Variants in USP25 observed in about 807,000 individuals in gnomAD.
USP25 encodes the protein ubiquitin carboxyl-terminal hydrolase 25.
Under a neutral mutation model 158.5 loss-of-function variants are expected in USP25, and 85 were observed. The ratio of observed to expected loss-of-function variants is 0.54; its 90% CI spans 0.45 to 0.64. The LOEUF (loss-of-function observed/expected upper bound fraction) is 0.64, where lower values mean the gene tolerates loss of function less well. USP25 is among the 30% of genes least tolerant of loss of function. USP25 has a pLI of 0.00. For synonymous variants in USP25, 464 were observed against 460.4 expected, an observed-to-expected ratio of 1.01 and a Z score of -0.10; for missense variants, 1,242 against 1,327.3, an observed-to-expected ratio of 0.94 and a Z score of 1.00.
rs373634568 is a variant in USP25 at position 15,825,038 on chromosome 21, G to A, written c.1281G>A (p.Thr427=). 3.7e-6 allele frequency: 6 copies of A among 1,610,176 alleles called. No homozygotes were observed. The highest frequency in any genetic ancestry group is 1.7e-4 in the Middle Eastern group (1 of 5,926). ...EEIKRLKDYL[T]VLQQRLERYL... is the part of the protein sequence containing the mutation. ...TCAAGAGACTGAAAGATTACCTCAC[G>A]GTATTACAACAAAGGCTAGAAAGGT... The change falls in exon 12 of 26, where the codon ACG becomes ACA. Residue 427 remains threonine (T), a synonymous_variant. Transcript: ENST00000400183.
chr21:15,817,789 T>C (rs2037020500), intron 9 of USP25, among the ~76,000 whole-genome samples: 1 of 152,146 alleles, frequency 6.6e-6, no homozygotes, highest in African/African-American at 2.4e-5. Context: ...ACCGCCCCCA[T>C]GATTGAATTA....
intron 10 of USP25, 70 bp downstream of exon 10, chr21:15,818,916 G>C: frequency 3.3e-6 from 5 of 1,504,264 alleles, no homozygotes; most frequent in East Asian, 2.3e-5. Context: ...CACAATGTAA[G>C]GTTCTAATTA....
chr21:15,865,196 T>C (rs1392210178), intron 21 of USP25, among the ~76,000 whole-genome samples: 1 of 152,158 alleles, frequency 6.6e-6, no homozygotes, highest in Non-Finnish European at 1.5e-5. Flanking sequence ...AATCACAATT[T>C]AATTAGAATG....
chr21:15,796,521 T>G (rs974477037), intron 5 of USP25, among the ~76,000 whole-genome samples: 2 of 151,438 alleles, frequency 1.3e-5, no homozygotes, highest in Non-Finnish European at 3.0e-5. Flanking sequence ...CTAAGAAAAT[T>G]TTTGCACAAA....
intron 9 of USP25, among the ~76,000 whole-genome samples, chr21:15,814,858 G>C (rs576850762): frequency 6.6e-6 from 1 of 152,298 alleles, no homozygotes. Flanking sequence ...AATTCAAGTC[G>C]TGGCTGCAGA....
intron 1 of USP25, among the ~76,000 whole-genome samples, chr21:15,758,605 G>A (rs1411254887): frequency 6.6e-6 from 1 of 152,026 alleles, no homozygotes; most frequent in Non-Finnish European, 1.5e-5. Context: ...ATTACCCAGT[G>A]TATTAGTCTG....
chr21:15,848,500 C>T (rs1451581992), intron 19 of USP25, among the ~76,000 whole-genome samples: 4 of 151,896 alleles, frequency 2.6e-5, no homozygotes, highest in Non-Finnish European at 1.5e-5. Flanking sequence ...GCCAGTAAAG[C>T]TGTTTTTGAA....
intron 16 of USP25, among the ~76,000 whole-genome samples, chr21:15,832,733 A>C (rs981216671): frequency 3.3e-5 from 5 of 152,100 alleles, no homozygotes; most frequent in African/African-American, 1.2e-4. Context: ...AGAAAAAAAA[A>C]AATGGCCGGG....
chr21:15,874,807 C>T (rs943785322), intron 24 of USP25, among the ~76,000 whole-genome samples: 4 of 152,320 alleles, frequency 2.6e-5, no homozygotes, highest in Middle Eastern at 3.4e-3. Flanking sequence ...CACACTACCA[C>T]TCCTTTTTTT....
chr21:15,851,313 C>T (rs971085465), intron 20 of USP25, among the ~76,000 whole-genome samples: 2 of 152,052 alleles, frequency 1.3e-5, no homozygotes, highest in Admixed American at 6.5e-5. Flanking sequence ...AGTAAGCCCC[C>T]AGTGGATAAT....
chr21:15,733,171 A>G (rs1601222946), intron 1 of USP25, among the ~76,000 whole-genome samples: 1 of 107,482 alleles, frequency 9.3e-6, no homozygotes, highest in South Asian at 3.5e-4. Flanking sequence ...CCGATGAACC[A>G]AGCTAGGATT....
chr21:15,764,048 T>G (rs1320333702), intron 2 of USP25, among the ~76,000 whole-genome samples: 3 of 152,110 alleles, frequency 2.0e-5, no homozygotes, highest in Non-Finnish European at 4.4e-5. Context: ...CTTCACCTTA[T>G]TCCCCCATCA....
At chr21:15,842,836 A>C (rs1373435749) in intron 18 of USP25, among the ~76,000 whole-genome samples, 1 of 152,196 alleles carries the variant, frequency 6.6e-6, no homozygotes, top group Non-Finnish European at 1.5e-5. Flanking sequence ...GAAGTGTAAA[A>C]TTTAGCAGTA....
chr21:15,866,143 T>C, intron 21 of USP25, 123 bp from the exon 22 acceptor site: 2 of 457,856 alleles, frequency 4.4e-6, no homozygotes, highest in Non-Finnish European at 7.0e-6. Context: ...AGGAGTTGTT[T>C]CTATACAAAA....
intron 3 of USP25, among the ~76,000 whole-genome samples, chr21:15,768,650 C>T (rs1000663801): frequency 5.3e-5 from 8 of 152,010 alleles, no homozygotes; most frequent in Admixed American, 1.3e-4. Context: ...TACCTAACTG[C>T]TGTAGGAATG....
At chr21:15,801,933 A>G (rs879247202) in intron 6 of USP25, among the ~76,000 whole-genome samples, 1 of 151,562 alleles carries the variant, frequency 6.6e-6, no homozygotes, top group Non-Finnish European at 1.5e-5. Flanking sequence ...AACTAATTTT[A>G]GACACTCAGG....
intron 24 of USP25, 53 bp downstream of exon 24, chr21:15,874,579 G>A: frequency 6.6e-7 from 1 of 1,518,698 alleles, no homozygotes; most frequent in Non-Finnish European, 8.8e-7. Flanking sequence ...CATTGGGCAA[G>A]TTTTCCAGAC....
At chr21:15,740,930 T>C (rs1277331682) in intron 1 of USP25, among the ~76,000 whole-genome samples, 9 of 152,016 alleles carry the variant, frequency 5.9e-5, no homozygotes, top group Non-Finnish European at 1.2e-4. Flanking sequence ...AATGTTATCG[T>C]GGTATGATTT....
At chr21:15,738,264 C>CT (rs1362938974) in intron 1 of USP25, among the ~76,000 whole-genome samples, 1 of 151,932 alleles carries the variant, frequency 6.6e-6, no homozygotes, top group Admixed American at 6.6e-5. Flanking sequence ...GCCTTTGTTC[C>CT]TTTTTTTCAG....
Sources: gnomAD v4.1 joint callset for allele counts (sites outside exome capture counted in the v4.1 genomes callset) on GRCh38, gnomAD v4.1.1 for gene constraint, MANE v1.5 for transcripts, NCBI Gene and HGNC (gene_info 2026-07-23, HGNC 2026-07-21) for gene names.